The following NFIC variants were observed in gnomAD, a reference collection of about 807,000 sequenced individuals.
NFIC encodes nuclear factor I C.
NFIC carries 12 observed loss-of-function variants against 54.4 expected under a neutral mutation model. The observed-to-expected ratio is 0.22, with a 90% confidence interval of 0.14 to 0.36. The LOEUF (loss-of-function observed/expected upper bound fraction) is 0.36. Among genes scored for constraint, NFIC ranks in the 10% least tolerant of loss-of-function variants. NFIC has a pLI of 1.00. For missense variants in NFIC, 575 were observed against 718.2 expected, an observed-to-expected ratio of 0.80 and a Z score of 2.28; for synonymous variants, 322 against 319.2, an observed-to-expected ratio of 1.01 and a Z score of -0.09.
intron 6 of NFIC, among the ~76,000 whole-genome samples, chr19:3,444,541 C>T (rs1178731698): frequency 1.3e-5 from 2 of 152,200 alleles, no homozygotes; most frequent in Admixed American, 1.3e-4. Context: ...GTAGAGCCTG[C>T]CGGGAGCGTG....
Position 3,436,911 on chromosome 19 carries a change from C to T in NFIC, c.958+1704C>T, listed in dbSNP as rs550586408. Reference sequence around the variant, plus strand: ...GTGTAACCTGGGGCACATCACTTAACTTCTCTAAGCCTCAGTTTCTTCATC... The same window carrying T: ...GTGTAACCTGGGGCACATCACTTAATTTCTCTAAGCCTCAGTTTCTTCATC... On this transcript the variant is annotated intron_variant, in intron 6 of 10. Coordinates refer to ENST00000443272, the MANE Select transcript of NFIC (RefSeq NM_001245002.2). 5.1e-4 allele frequency among the ~76,000 whole-genome samples: 77 copies of T among 152,296 alleles called. 1 individual carries two copies. The highest frequency in any genetic ancestry group is 3.4e-3 in the Middle Eastern group (1 of 294).
rs553533408 is a variant in NFIC, at chr19:3,407,541, T to C, written c.563-17565T>C. ...CCTCTGCCTCCCGGGTTCGAGCAAT[T>C]CTCCTGCCTCAGCCTCCTGAGCATC... On this transcript the variant is annotated intron_variant, in intron 2 of 10. Coordinates refer to ENST00000443272, the MANE Select transcript of NFIC (RefSeq NM_001245002.2). 3.3e-5 allele frequency among the ~76,000 whole-genome samples: 5 copies of C among 152,192 alleles called. 1 individual carries two copies. The highest frequency in any genetic ancestry group is 1.2e-4 in the African/African-American group (5 of 41,520).
intron 2 of NFIC, among the ~76,000 whole-genome samples, chr19:3,404,143 C>G (rs1394016551): frequency 2.0e-5 from 3 of 152,142 alleles, no homozygotes; most frequent in East Asian, 1.9e-4. Flanking sequence ...CTTCTCCCCC[C>G]CCCGTCACAG....
At chr19:3,420,375 T>C (rs944204655) in intron 2 of NFIC, among the ~76,000 whole-genome samples, 3 of 151,854 alleles carry the variant, frequency 2.0e-5, no homozygotes, top group African/African-American at 7.3e-5. Context: ...ACCCTATCTC[T>C]ACTAAAAATA....
rs771018090 is a variant in NFIC, at chr19:3,458,474, T to G, written c.1509+1839T>G. Among the ~76,000 whole-genome samples the G allele has an allele frequency of 1.3e-4, 19 of 151,990 alleles. No individual in the cohort carries two copies. The highest frequency in any genetic ancestry group is 2.5e-4 in the Non-Finnish European group (17 of 67,966). On this transcript the variant is annotated intron_variant, in intron 10 of 10. Coordinates refer to ENST00000443272, the MANE Select transcript of NFIC (RefSeq NM_001245002.2). The surrounding 1 kb of genome is among the most constrained non-coding windows in gnomAD (Gnocchi z 4.1). The stretch of plus-strand genomic sequence containing the variant: ...CCCGCCAGGGCCCGGGACCCTTCTC[T>G]CAGACTGTGCTGGCTCCAGCCCCAC...
In NFIC at chr19:3,466,820, T is replaced by C. The variant is rs2082723115; in HGVS notation, c.*4051T>C. 1 of 151,944 alleles carries C rather than the reference T, an allele frequency of 6.6e-6. No individual in the cohort carries two copies. Among genetic ancestry groups the C allele is most frequent in the Non-Finnish European group, 1.5e-5 (1 of 68,104 alleles). 9.4% of individuals were successfully genotyped at this position (151,944 alleles called of 1,614,324 possible). The stretch of plus-strand genomic sequence containing the variant: ...AGAGTCCTGGGCTGGACGCCACCCT[T>C]CTCACCCCGAGCTTGCCTCCTTGGC... On this transcript the variant is annotated 3_prime_UTR_variant, in exon 11 of 11. Transcript: ENST00000443272. This position sits in a 1 kb window ranked among gnomAD's most constrained non-coding sequence, Gnocchi z 4.8.
At chr19:3,442,251 T>C (rs1378640645) in intron 6 of NFIC, among the ~76,000 whole-genome samples, 1 of 152,222 alleles carries the variant, frequency 6.6e-6, no homozygotes, top group Non-Finnish European at 1.5e-5. Context: ...CCCACTGTGC[T>C]TTGTTTTTGC....
chr19:3,425,490 C>T (rs921582307), intron 3 of NFIC, among the ~76,000 whole-genome samples: 2 of 152,194 alleles, frequency 1.3e-5, no homozygotes, highest in South Asian at 2.1e-4. Flanking sequence ...GATGGAGTCT[C>T]GCTCTGTCAT....
rs2080980924 is a variant in NFIC at position 3,370,465 on chromosome 19, CAG to C, written c.30+3802_30+3803del. 2.6e-5 allele frequency among the ~76,000 whole-genome samples: 4 copies of C among 151,200 alleles called. No individual in the cohort carries two copies. The highest frequency in any genetic ancestry group is 2.1e-4 in the South Asian group (1 of 4,794). ...TAAATCACCAAAGCTGGGATTCTGG[CAG>C]AGTCAGCGTTCTCCTCTCTCTCTCT... On this transcript the variant is annotated intron_variant, in intron 1 of 10. Coordinates refer to ENST00000443272, the MANE Select transcript of NFIC (RefSeq NM_001245002.2). This position sits in a 1 kb window ranked among gnomAD's most constrained non-coding sequence, Gnocchi z 5.2.
chr19:3,382,384 A>G, intron 2 of NFIC, 141 bp downstream of exon 2: 2 of 1,233,424 alleles, frequency 1.6e-6, no homozygotes, highest in Non-Finnish European at 2.2e-6. Context: ...GGCCTTGGAG[A>G]GTGCCCAATG....
At chr19:3,397,072 T>C (rs898882152) in intron 2 of NFIC, among the ~76,000 whole-genome samples, 3 of 152,086 alleles carry the variant, frequency 2.0e-5, no homozygotes, top group Middle Eastern at 3.2e-3. Context: ...TGCAGGCGTA[T>C]TGAGGGCTTA....
intron 6 of NFIC, among the ~76,000 whole-genome samples, chr19:3,440,081 G>A (rs978666309): frequency 7.9e-5 from 12 of 152,132 alleles, no homozygotes; most frequent in Non-Finnish European, 1.6e-4. Context: ...TTATTAATTC[G>A]CGGCTAAGCT....
chr19:3,428,926 G>C (rs991727128), intron 3 of NFIC, among the ~76,000 whole-genome samples: 3 of 151,874 alleles, frequency 2.0e-5, no homozygotes, highest in African/African-American at 7.3e-5. Context: ...GTCCTCTTCA[G>C]AATGCGTGGC....
intron 2 of NFIC, among the ~76,000 whole-genome samples, chr19:3,421,503 C>G (rs2081953126): frequency 6.6e-6 from 1 of 152,246 alleles, no homozygotes; most frequent in Non-Finnish European, 1.5e-5. Context: ...GCTGGGCACA[C>G]TCCCCTCGGC....
chr19:3,462,694 C>T (rs373408960), intron 10 of NFIC, 58 bp from the exon 11 acceptor site: 86 of 1,583,864 alleles, frequency 5.4e-5, no homozygotes, highest in Admixed American at 2.2e-4. Flanking sequence ...AGAGTCTGAC[C>T]CCTCGACTTC....
In NFIC at chr19:3,435,191, G is replaced by T. The variant is rs377153122; in HGVS notation, c.942G>T (p.Thr314=). ...CCACGAGTAGCAGCCGCAACTGGAC[G>T]GAGGACATGGAAGGAGGTAGGGCTG... ...SSPTSSSRNW[T]EDMEGGISSP... Residue 314 remains threonine, a synonymous_variant, in exon 6 of 11, where the codon ACG becomes ACT. Transcript: ENST00000443272. 1.4e-4 allele frequency: 231 copies of T among 1,602,918 alleles called. 1 individual carries two copies. Among genetic ancestry groups the T allele is most frequent in the Middle Eastern group, 6.6e-4 (4 of 6,036 alleles).
intron 2 of NFIC, among the ~76,000 whole-genome samples, chr19:3,423,775 C>T (rs2081988067): frequency 1.3e-5 from 2 of 152,096 alleles, no homozygotes; most frequent in Admixed American, 6.6e-5. Flanking sequence ...GTGGGGTCGT[C>T]GCCATCAGAG....
chr19:3,454,091 G>A, intron 9 of NFIC, 175 bp downstream of exon 9: 5 of 1,366,788 alleles, frequency 3.7e-6, no homozygotes, highest in Non-Finnish European at 3.7e-6. Context: ...GTAGGGCTGA[G>A]GCAGCCTTAG....
chr19:3,380,194 C>T (rs570797320), intron 1 of NFIC, among the ~76,000 whole-genome samples: 54 of 147,158 alleles, frequency 3.7e-4, no homozygotes, highest in South Asian at 2.0e-3. Flanking sequence ...TCAGTAGAGA[C>T]GGGGTTTCAC....
Sources: allele counts gnomAD v4.1 joint callset (sites outside exome capture counted in the v4.1 genomes callset), GRCh38; gene constraint gnomAD v4.1.1; non-coding constraint Gnocchi (gnomAD v3.1); transcripts MANE v1.5; gene names NCBI Gene and HGNC (gene_info 2026-07-23, HGNC 2026-07-21).